CSMD1: variants seen among roughly 807,000 people sequenced by gnomAD.
CSMD1 encodes CUB and Sushi multiple domains 1.
CSMD1 carries 213 observed loss-of-function variants against 417.5 expected under a neutral mutation model. The observed-to-expected ratio is 0.51, with a 90% CI of 0.46 to 0.57. The LOEUF (loss-of-function observed/expected upper bound fraction) is 0.57, where lower values mean the gene tolerates loss of function less well. Among genes scored for constraint, CSMD1 ranks in the 20% least tolerant of loss-of-function variants. The probability of loss-of-function intolerance (pLI) is 0.00; values close to 1 mark genes in which losing one functional copy is unlikely to be tolerated. For missense variants in CSMD1, 6,923 were observed against 4,529.7 expected (o/e 1.53, Z -15.17); for synonymous variants, 2,862 against 1,736.8 (o/e 1.65, Z -16.11).
At chr8:3,779,198 G>C (rs868775249) in intron 5 of CSMD1, among the ~76,000 whole-genome samples, 2 of 151,814 alleles carry the variant, frequency 1.3e-5, no homozygotes, top group East Asian at 1.9e-4. Flanking sequence ...TGCAGTATTT[G>C]AGAGGGTGAA....
chr8:3,152,125 G>T (rs73491739), intron 39 of CSMD1, among the ~76,000 whole-genome samples: 6,847 of 152,252 alleles, frequency 0.045, 318 homozygotes, highest in African/African-American at 0.12. Context: ...AATTTCGGAA[G>T]GCAGCTAACT....
At chr8:3,527,283 T>A (rs748961156) in intron 10 of CSMD1, among the ~76,000 whole-genome samples, 1 of 152,188 alleles carries the variant, frequency 6.6e-6, no homozygotes, top group South Asian at 2.1e-4. Flanking sequence ...ATGGGAGAAA[T>A]CAGCTAATCT....
At chr8:3,842,963 A>G (rs193234937) in intron 5 of CSMD1, among the ~76,000 whole-genome samples, 2 of 152,338 alleles carry the variant, frequency 1.3e-5, no homozygotes, top group East Asian at 1.9e-4. Flanking sequence ...AGTCAACATT[A>G]GCTCACTCAA....
chr8:3,997,967 C>T lies in CSMD1; in HGVS notation c.754G>A (p.Asp252Asn). 4 of 1,611,488 alleles carry T rather than the reference C, an allele frequency of 2.5e-6. No homozygotes were observed. Among genetic ancestry groups the T allele is most frequent in the Non-Finnish European group, 3.4e-6 (4 of 1,178,772 alleles). The change falls in exon 5 of 70, where the codon GAC (aspartate) becomes AAC (asparagine). Residue 252 changes from aspartate to asparagine, a missense_variant. Transcript: ENST00000635120. ...TCATATCCTTCTTCTAGCTGAAAGT[C>T]AGTGAAGACCAGCGCAATGGTGTCC... ...PGDTIALVFT[D>N]FQLEEGYDFL...
At chr8:3,473,719 G>C (rs1030281194) in intron 11 of CSMD1, among the ~76,000 whole-genome samples, 7 of 152,156 alleles carry the variant, frequency 4.6e-5, no homozygotes, top group African/African-American at 1.7e-4. Context: ...TGATGAAGAA[G>C]ATAGATTCCT....
At chr8:3,971,121 C>A (rs1381194446) in intron 5 of CSMD1, among the ~76,000 whole-genome samples, 1 of 152,094 alleles carries the variant, frequency 6.6e-6, no homozygotes, top group African/African-American at 2.4e-5. Context: ...CAACATGGTG[C>A]TGAAATCACA....
intron 2 of CSMD1, among the ~76,000 whole-genome samples, chr8:4,572,086 T>C (rs149211355): frequency 6.6e-6 from 1 of 152,248 alleles, no homozygotes; most frequent in African/African-American, 2.4e-5. Context: ...CCAGTCTGTG[T>C]CTTTTAATTG....
At chr8:3,377,835 T>C (rs917533336) in intron 18 of CSMD1, among the ~76,000 whole-genome samples, 1 of 152,216 alleles carries the variant, frequency 6.6e-6, no homozygotes, top group African/African-American at 2.4e-5. Context: ...GAACTGACTG[T>C]ATTGAGTATG....
intron 1 of CSMD1, among the ~76,000 whole-genome samples, chr8:4,683,524 G>C (rs1418130248): frequency 6.6e-6 from 1 of 152,156 alleles, no homozygotes; most frequent in African/African-American, 2.4e-5. Flanking sequence ...GTAAGGGATT[G>C]TGCCAGGACA....
intron 1 of CSMD1, among the ~76,000 whole-genome samples, chr8:4,767,948 G>A (rs543944618): frequency 3.9e-5 from 6 of 152,062 alleles, no homozygotes; most frequent in African/African-American, 9.7e-5. Context: ...TGCATCCTTC[G>A]TACTCGAGGG....
chr8:4,156,814 G>A (rs3849827), intron 3 of CSMD1, among the ~76,000 whole-genome samples: 46,976 of 152,060 alleles, frequency 0.31, 9,154 homozygotes, highest in Non-Finnish European at 0.42. Flanking sequence ...CCAGCAGCGA[G>A]CAGCAAGTAC....
At chr8:4,634,595 C>A (rs1802717396) in intron 2 of CSMD1, among the ~76,000 whole-genome samples, 1 of 152,130 alleles carries the variant, frequency 6.6e-6, no homozygotes, top group South Asian at 2.1e-4. Flanking sequence ...TACATCAATC[C>A]TCCCACAAAA....
chr8:4,162,055 T>C (rs1246057488), intron 3 of CSMD1, among the ~76,000 whole-genome samples: 1 of 152,216 alleles, frequency 6.6e-6, no homozygotes, highest in African/African-American at 2.4e-5. Flanking sequence ...TCCCTTAATG[T>C]CAACCTTGAT....
chr8:2,948,909 A>G (rs1352622098), intron 68 of CSMD1, among the ~76,000 whole-genome samples: 1 of 151,690 alleles, frequency 6.6e-6, no homozygotes, highest in Non-Finnish European at 1.5e-5. Flanking sequence ...ATAAATATAT[A>G]TATGTATATT....
At chr8:3,659,921 T>C (rs1798324955) in intron 7 of CSMD1, among the ~76,000 whole-genome samples, 2 of 152,144 alleles carry the variant, frequency 1.3e-5, no homozygotes, top group African/African-American at 4.8e-5. Context: ...AAAGAGCATA[T>C]CTTCATTGTG....
intron 21 of CSMD1, among the ~76,000 whole-genome samples, chr8:3,356,818 G>A (rs1808826392): frequency 6.6e-6 from 1 of 152,248 alleles, no homozygotes; most frequent in Non-Finnish European, 1.5e-5. Context: ...AGCACTGGGT[G>A]CACTCTGGAG....
At chr8:4,230,169 T>G (rs898936727) in intron 3 of CSMD1, among the ~76,000 whole-genome samples, 1 of 152,234 alleles carries the variant, frequency 6.6e-6, no homozygotes, top group Non-Finnish European at 1.5e-5. Flanking sequence ...TATGTTTGAA[T>G]TGATATTCTG....
At chr8:4,363,355 T>A (rs143021320) in intron 3 of CSMD1, among the ~76,000 whole-genome samples, 1 of 152,208 alleles carries the variant, frequency 6.6e-6, no homozygotes, top group Non-Finnish European at 1.5e-5. Flanking sequence ...GGTACTCGTA[T>A]GTGTATGCAT....
chr8:3,861,510 G>A (rs17067783), intron 5 of CSMD1, among the ~76,000 whole-genome samples: 2 of 152,114 alleles, frequency 1.3e-5, no homozygotes, highest in African/African-American at 4.8e-5. Flanking sequence ...CTTTGAACCT[G>A]CACCTGATGC....
Sources: gnomAD v4.1 joint callset for allele counts (sites outside exome capture counted in the v4.1 genomes callset) on GRCh38, gnomAD v4.1.1 for gene constraint, MANE v1.5 for transcripts, NCBI Gene and HGNC (gene_info 2026-07-23, HGNC 2026-07-21) for gene names.